RIMBP2: variants seen among roughly 807,000 people sequenced by gnomAD.
The protein encoded by RIMBP2 is RIMS-binding protein 2.
RIMBP2 carries 48 observed loss-of-function variants against 118.6 expected under a neutral mutation model. The ratio of observed to expected loss-of-function variants is 0.40; its 90% CI spans 0.32 to 0.51. The LOEUF (loss-of-function observed/expected upper bound fraction) is 0.51. RIMBP2 is among the 20% of genes least tolerant of loss of function. RIMBP2 has a pLI of 0.41. For synonymous variants in RIMBP2, 762 were observed against 742.9 expected, an observed-to-expected ratio of 1.03 and a Z score of -0.42; for missense variants, 1,551 against 1,768.3, an observed-to-expected ratio of 0.88 and a Z score of 2.20.
At chr12:130,644,819 C>A (rs1416214803) in intron 1 of RIMBP2, among the ~76,000 whole-genome samples, 3 of 152,222 alleles carry the variant, frequency 2.0e-5, no homozygotes, top group Non-Finnish European at 2.9e-5. Flanking sequence ...AGTCACTGGG[C>A]AAAGCACCCA....
intron 14 of RIMBP2, among the ~76,000 whole-genome samples, chr12:130,433,152 C>T (rs926833619): frequency 3.3e-5 from 5 of 152,190 alleles, no homozygotes; most frequent in South Asian, 2.1e-4. Context: ...CGGCCTTACA[C>T]ACACTCTTTT....
chr12:130,633,653 G>A (rs900730064), intron 1 of RIMBP2, among the ~76,000 whole-genome samples: 2 of 152,182 alleles, frequency 1.3e-5, no homozygotes, highest in African/African-American at 2.4e-5. Flanking sequence ...AACCCCTTGA[G>A]GCTGGAAATG....
intron 4 of RIMBP2, among the ~76,000 whole-genome samples, chr12:130,491,029 T>G (rs1406377967): frequency 6.6e-6 from 1 of 152,158 alleles, no homozygotes; most frequent in African/African-American, 2.4e-5. Context: ...GAAAATGGTG[T>G]TCTTATTCCG....
At chr12:130,492,701 A>G (rs780946608) in intron 4 of RIMBP2, among the ~76,000 whole-genome samples, 1 of 152,214 alleles carries the variant, frequency 6.6e-6, no homozygotes, top group Non-Finnish European at 1.5e-5. Context: ...GCCATTTCCA[A>G]CACGTACAGG....
At chr12:130,626,825 C>T (rs2061667471) in intron 2 of RIMBP2, among the ~76,000 whole-genome samples, 1 of 151,580 alleles carries the variant, frequency 6.6e-6, no homozygotes, top group Admixed American at 6.6e-5. Context: ...CCAGCATCAC[C>T]ACCATCTCCT....
chr12:130,465,067 T>A (rs1406688473), intron 6 of RIMBP2: 1 of 152,272 alleles, frequency 6.6e-6, no homozygotes, highest in Non-Finnish European at 1.5e-5. Context: ...AGGATTATTT[T>A]ATGGAGGAAG....
At chr12:130,565,102 C>T (rs1004623742) in intron 2 of RIMBP2, among the ~76,000 whole-genome samples, 1 of 152,112 alleles carries the variant, frequency 6.6e-6, no homozygotes, top group African/African-American at 2.4e-5. Flanking sequence ...TTACTTCCTG[C>T]CCTTTATGAT....
At chr12:130,657,267 G>C (rs952225564) in intron 1 of RIMBP2, among the ~76,000 whole-genome samples, 1 of 152,112 alleles carries the variant, frequency 6.6e-6, no homozygotes, top group Non-Finnish European at 1.5e-5. Context: ...TCTTAACTTT[G>C]CCCATCTGCA....
chr12:130,436,686 A>T (rs1156585097), intron 13 of RIMBP2, among the ~76,000 whole-genome samples, 156 bp downstream of exon 13: 1 of 152,246 alleles, frequency 6.6e-6, no homozygotes, highest in African/African-American at 2.4e-5. Context: ...GATCAGGCAC[A>T]TGACAGAGTC....
rs1477337869 is a variant in RIMBP2, at chr12:130,434,374, C to T, written c.2253+360G>A. 6.6e-6 allele frequency among the ~76,000 whole-genome samples: 1 copy of T among 152,132 alleles called. No individual in the cohort carries two copies. Among genetic ancestry groups the T allele is most frequent in the Non-Finnish European group, 1.5e-5 (1 of 68,036 alleles). ...GATGCCTCCCTAGCACACAGATGGC[C>T]AACAAACATCTGCCCAGTTAACGGA... On this transcript the variant is annotated intron_variant, in intron 14 of 22. Transcript: ENST00000690449. The surrounding 1 kb of genome is among the most constrained non-coding windows in gnomAD (Gnocchi z 5.7).
chr12:130,564,654 AGAAG>A, intron 2 of RIMBP2, among the ~76,000 whole-genome samples: 1 of 152,364 alleles, frequency 6.6e-6, no homozygotes, highest in African/African-American at 2.4e-5. Flanking sequence ...AGCCAGTTGC[AGAAG>A]GACAAATACT....
chr12:130,679,081 A>T (rs1452449411), intron 1 of RIMBP2, among the ~76,000 whole-genome samples: 6 of 145,770 alleles, frequency 4.1e-5, no homozygotes, highest in Non-Finnish European at 4.4e-5. Context: ...CAATATAAAT[A>T]AAAAAAGACT....
chr12:130,503,320 C>T (rs1383483267), intron 4 of RIMBP2, among the ~76,000 whole-genome samples: 2 of 151,708 alleles, frequency 1.3e-5, no homozygotes, highest in Admixed American at 6.6e-5. Context: ...CTCTTGAACC[C>T]GGGAAGTGGA....
chr12:130,461,565 A>G (rs1017389681), intron 6 of RIMBP2, among the ~76,000 whole-genome samples: 1 of 152,152 alleles, frequency 6.6e-6, no homozygotes, highest in Non-Finnish European at 1.5e-5. Context: ...CGTCCCCTCC[A>G]CATCTCATGT....
intron 1 of RIMBP2, among the ~76,000 whole-genome samples, chr12:130,695,597 C>T (rs1278666406): frequency 6.6e-6 from 1 of 152,038 alleles, no homozygotes; most frequent in Non-Finnish European, 1.5e-5. Context: ...CAGGCAGGAA[C>T]CTCATTCCAA....
intron 1 of RIMBP2, among the ~76,000 whole-genome samples, chr12:130,669,491 G>A (rs1245953764): frequency 6.6e-6 from 1 of 152,044 alleles, no homozygotes; most frequent in Non-Finnish European, 1.5e-5. Context: ...GCGAGAGTGA[G>A]GAAGTTCTCA....
intron 3 of RIMBP2, among the ~76,000 whole-genome samples, chr12:130,513,943 T>C (rs1429344341): frequency 6.6e-6 from 1 of 152,222 alleles, no homozygotes; most frequent in Non-Finnish European, 1.5e-5. Context: ...CAGGTTTGCA[T>C]TGACAAGCCT....
intron 1 of RIMBP2, among the ~76,000 whole-genome samples, chr12:130,681,541 TA>T (rs553022101): frequency 8.9e-5 from 13 of 145,552 alleles, no homozygotes; most frequent in African/African-American, 2.6e-4. Flanking sequence ...TGATTTTTTT[TA>T]AAAAAATCAA....
At chr12:130,645,476 T>C (rs529124942) in intron 1 of RIMBP2, among the ~76,000 whole-genome samples, 4 of 152,312 alleles carry the variant, frequency 2.6e-5, no homozygotes, top group South Asian at 2.1e-4. Context: ...GGATGTGATA[T>C]CGGGTTAACC....
Sources: gnomAD v4.1 joint callset for allele counts (sites outside exome capture counted in the v4.1 genomes callset) on GRCh38, gnomAD v4.1.1 for gene constraint, Gnocchi (gnomAD v3.1) non-coding constraint, MANE v1.5 for transcripts, NCBI Gene and HGNC (gene_info 2026-07-23, HGNC 2026-07-21) for gene names.